CSMD1: variants seen among roughly 807,000 people sequenced by gnomAD.
CSMD1 encodes CUB and Sushi multiple domains 1.
Under a neutral mutation model 417.5 loss-of-function variants are expected in CSMD1, and 213 were observed. That is an observed-to-expected ratio of 0.51 (90% CI 0.46 to 0.57). The LOEUF is 0.57. Among genes scored for constraint, CSMD1 ranks in the 20% least tolerant of loss-of-function variants. The pLI is 0.00. For missense variants in CSMD1, 6,923 were observed against 4,529.7 expected (o/e 1.53, Z -15.17); for synonymous variants, 2,862 against 1,736.8 (o/e 1.65, Z -16.11).
intron 26 of CSMD1, among the ~76,000 whole-genome samples, chr8:3,276,118 C>G (rs1463497163): frequency 6.6e-6 from 1 of 152,076 alleles, no homozygotes; most frequent in African/African-American, 2.4e-5. Context: ...GTGTGGATGT[C>G]ATTTCTGTTT....
chr8:4,728,056 G>C (rs943320587), intron 1 of CSMD1, among the ~76,000 whole-genome samples: 15 of 145,018 alleles, frequency 1.0e-4, no homozygotes, highest in African/African-American at 3.5e-4. Flanking sequence ...GTTATATATA[G>C]AGAGATGTAG....
intron 5 of CSMD1, among the ~76,000 whole-genome samples, chr8:3,997,598 C>G (rs1049925208): frequency 9.2e-5 from 14 of 152,188 alleles, no homozygotes; most frequent in African/African-American, 2.2e-4. Flanking sequence ...GAAACAGCTT[C>G]AGACCAAACC....
intron 41 of CSMD1, among the ~76,000 whole-genome samples, chr8:3,138,148 C>G (rs1818217116): frequency 6.6e-6 from 1 of 152,162 alleles, no homozygotes; most frequent in Non-Finnish European, 1.5e-5. Context: ...ATTGCTTGAA[C>G]CTGGGAGGCA....
intron 3 of CSMD1, among the ~76,000 whole-genome samples, chr8:4,121,177 C>A (rs560049643): frequency 6.6e-6 from 1 of 151,990 alleles, no homozygotes; most frequent in Non-Finnish European, 1.5e-5. Context: ...TGCAATGGCA[C>A]GATCTTAGCT....
In CSMD1 at chr8:4,047,492, A is replaced by G. The variant is rs3849821; in HGVS notation, c.416-15393T>C. Among the ~76,000 whole-genome samples, 26 of 152,014 alleles carry G rather than the reference A, an allele frequency of 1.7e-4. No homozygotes were observed. The East Asian group carries it at 5.0e-3, about 29-fold the overall frequency. On this transcript the variant is annotated intron_variant, in intron 3 of 69. Transcript: ENST00000635120. Reference sequence around the variant, plus strand: ...CTAACTCAGATTAGTGGTAGCGTAAATGCAGGGAAGGCAACATTGTGATAT... The same window carrying G: ...CTAACTCAGATTAGTGGTAGCGTAAGTGCAGGGAAGGCAACATTGTGATAT...
chr8:3,214,473 G>A (rs780382276), intron 30 of CSMD1, 24 bp downstream of exon 30: 3 of 1,502,034 alleles, frequency 2.0e-6, no homozygotes, highest in Non-Finnish European at 2.7e-6. Context: ...TGTATTTCTA[G>A]AAAATACCCA....
At chr8:3,494,650 G>C (rs1348543154) in intron 10 of CSMD1, among the ~76,000 whole-genome samples, 1 of 151,908 alleles carries the variant, frequency 6.6e-6, no homozygotes, top group Non-Finnish European at 1.5e-5. Context: ...GGATGGATGG[G>C]TGGATGGAAA....
At chr8:3,920,577 T>A (rs1035211092) in intron 5 of CSMD1, among the ~76,000 whole-genome samples, 1 of 152,168 alleles carries the variant, frequency 6.6e-6, no homozygotes, top group Non-Finnish European at 1.5e-5. Context: ...AGAAATGCTT[T>A]CAGCTTTTCA....
intron 10 of CSMD1, among the ~76,000 whole-genome samples, chr8:3,523,122 C>T (rs1319216853): frequency 2.0e-5 from 3 of 151,812 alleles, no homozygotes; most frequent in African/African-American, 7.3e-5. Flanking sequence ...GCACATTTTT[C>T]CTAAACACGT....
chr8:3,669,280 A>T (rs546856745), intron 7 of CSMD1, among the ~76,000 whole-genome samples: 1 of 152,150 alleles, frequency 6.6e-6, no homozygotes, highest in Non-Finnish European at 1.5e-5. Context: ...GTGTTTTCTC[A>T]TCTGTCATTT....
At chr8:3,260,132 C>G (rs548157411) in intron 26 of CSMD1, among the ~76,000 whole-genome samples, 2 of 152,308 alleles carry the variant, frequency 1.3e-5, no homozygotes, top group East Asian at 1.9e-4. Flanking sequence ...CCTTACCTTG[C>G]TCTTTCCCAT....
intron 11 of CSMD1, among the ~76,000 whole-genome samples, chr8:3,488,170 A>G (rs1420824022): frequency 6.6e-6 from 1 of 151,822 alleles, no homozygotes; most frequent in East Asian, 1.9e-4. Flanking sequence ...TGGGGTCATC[A>G]TAGCTCACTG....
At chr8:3,750,560 A>T (rs2129052999) in intron 6 of CSMD1, among the ~76,000 whole-genome samples, 1 of 152,082 alleles carries the variant, frequency 6.6e-6, no homozygotes, top group African/African-American at 2.4e-5. Flanking sequence ...TCCTTCTTTA[A>T]TGTATTTAGT....
chr8:4,074,933 A>G (rs1233294663), intron 3 of CSMD1, among the ~76,000 whole-genome samples: 1 of 152,070 alleles, frequency 6.6e-6, no homozygotes, highest in Non-Finnish European at 1.5e-5. Context: ...CACACTTTGA[A>G]TTTATTTATA....
chr8:3,814,903 G>C (rs565586045), intron 5 of CSMD1, among the ~76,000 whole-genome samples: 2 of 152,148 alleles, frequency 1.3e-5, no homozygotes, highest in Non-Finnish European at 1.5e-5. Context: ...GAAAATAAAT[G>C]ACTTTAAAAA....
chr8:3,183,590 T>C (rs533733596), intron 36 of CSMD1, among the ~76,000 whole-genome samples: 1 of 145,344 alleles, frequency 6.9e-6, no homozygotes, highest in African/African-American at 2.6e-5. Flanking sequence ...TATCTATCCC[T>C]GAAATATCGA....
intron 10 of CSMD1, among the ~76,000 whole-genome samples, chr8:3,501,292 A>G (rs1321680003): frequency 6.6e-6 from 1 of 151,952 alleles, no homozygotes; most frequent in East Asian, 1.9e-4. Context: ...ATACACACAC[A>G]CCCCAAGAAA....
chr8:3,865,350 T>C (rs532448191), intron 5 of CSMD1, among the ~76,000 whole-genome samples: 4 of 152,324 alleles, frequency 2.6e-5, no homozygotes, highest in Non-Finnish European at 4.4e-5. Context: ...ATGCTCTTGC[T>C]GGTATGAAAC....
At chr8:4,359,305 G>A (rs140821255) in intron 3 of CSMD1, among the ~76,000 whole-genome samples, 1 of 152,166 alleles carries the variant, frequency 6.6e-6, no homozygotes, top group East Asian at 1.9e-4. Context: ...TATGGCTGCA[G>A]TGCATTATTG....
Sources: allele counts gnomAD v4.1 joint callset (sites outside exome capture counted in the v4.1 genomes callset), GRCh38; gene constraint gnomAD v4.1.1; transcripts MANE v1.5; gene names NCBI Gene and HGNC (gene_info 2026-07-23, HGNC 2026-07-21).